Variants in TASP1 observed in about 807,000 individuals in gnomAD.
The protein encoded by TASP1 is threonine aspartase 1.
A neutral mutation model predicts 56.6 loss-of-function variants in TASP1; 16 were observed. The ratio of observed to expected loss-of-function variants is 0.28; its 90% CI spans 0.19 to 0.43. The LOEUF (loss-of-function observed/expected upper bound fraction) is 0.43. Ranked by LOEUF, TASP1 falls within the 20% of genes least tolerant of loss-of-function variation. TASP1 has a pLI of 1.00. For synonymous variants in TASP1, 179 were observed against 184.2 expected, an observed-to-expected ratio of 0.97 and a Z score of 0.23; for missense variants, 393 against 511.6, an observed-to-expected ratio of 0.77 and a Z score of 2.24.
At chr20:13,167,032 G>A in the TASP1 span, 1 of 152,174 alleles carries the variant, frequency 6.6e-6, no homozygotes, top group African/African-American at 2.4e-5. Flanking sequence ...GAGAGTCCAT[G>A]TTGAATATAC....
chr20:13,154,222 A>T, the TASP1 span: 2 of 1,543,782 alleles, frequency 1.3e-6, no homozygotes. Flanking sequence ...TAGATTATGC[A>T]TCTGGAATGG....
the TASP1 span, among the ~76,000 whole-genome samples, chr20:13,273,261 GTCTT>G: frequency 1.8e-4 from 6 of 33,920 alleles, no homozygotes; most frequent in Non-Finnish European, 2.9e-4. Context: ...TTTTGACAAG[GTCTT>G]TCTTTGTCAC....
At chr20:13,379,098 T>C in the TASP1 span, among the ~76,000 whole-genome samples, 289 of 152,340 alleles carry the variant, frequency 1.9e-3, 1 homozygote, top group Non-Finnish European at 3.5e-3. Flanking sequence ...TTGTTATATG[T>C]TAATTTGATC....
chr20:13,365,528 G>A, the TASP1 span, among the ~76,000 whole-genome samples: 1 of 152,218 alleles, frequency 6.6e-6, no homozygotes. Flanking sequence ...GTTGAGCATA[G>A]GCCTGAATGA....
chr20:13,387,674 T>C (rs149728308), downstream of TASP1, among the ~76,000 whole-genome samples: 15 of 152,392 alleles, frequency 9.8e-5, no homozygotes, highest in African/African-American at 3.4e-4. Context: ...TTTAGGTATA[T>C]ACCTAGTAAT....
chr20:13,137,291 C>T, the TASP1 span, among the ~76,000 whole-genome samples: 1 of 152,106 alleles, frequency 6.6e-6, no homozygotes, highest in African/African-American at 2.4e-5. Context: ...AAGTTGTTGC[C>T]TTGGCTGTAG....
intron 8 of TASP1, among the ~76,000 whole-genome samples, chr20:13,547,169 G>A (rs776827071): frequency 6.6e-6 from 1 of 152,112 alleles, no homozygotes; most frequent in Non-Finnish European, 1.5e-5. Flanking sequence ...ACGCTTCTAT[G>A]GACATACACA....
chr20:13,234,886 CT>C, the TASP1 span, among the ~76,000 whole-genome samples: 17 of 152,064 alleles, frequency 1.1e-4, no homozygotes, highest in South Asian at 6.2e-4. Flanking sequence ...TTTTTTGCAT[CT>C]GATAGTTTGC....
At chr20:13,164,341 C>G in the TASP1 span, 1 of 471,982 alleles carries the variant, frequency 2.1e-6, no homozygotes, top group South Asian at 1.5e-5. Context: ...CAACATTCCT[C>G]TTTGTTCTTG....
chr20:13,268,528 G>A, the TASP1 span, among the ~76,000 whole-genome samples: 168 of 152,264 alleles, frequency 1.1e-3, 1 homozygote, highest in Non-Finnish European at 1.9e-3. Flanking sequence ...GAGGTGGCTG[G>A]AAAGGTGAAC....
the TASP1 span, among the ~76,000 whole-genome samples, chr20:13,223,326 C>G: frequency 1.3e-5 from 2 of 152,038 alleles, no homozygotes; most frequent in South Asian, 2.1e-4. Flanking sequence ...AAAGAGAAAA[C>G]TAATAAAACA....
chr20:13,617,984 G>A (rs1345313366), intron 4 of TASP1, among the ~76,000 whole-genome samples: 3 of 152,080 alleles, frequency 2.0e-5, no homozygotes, highest in Non-Finnish European at 2.9e-5. Flanking sequence ...CCAGCCAGAA[G>A]TATAGAGCCC....
the TASP1 span, among the ~76,000 whole-genome samples, chr20:13,330,279 A>G: frequency 6.6e-6 from 1 of 152,130 alleles, no homozygotes. Context: ...ATTTTTCTGT[A>G]TCTATTGATA....
intron 10 of TASP1, among the ~76,000 whole-genome samples, chr20:13,490,954 T>C (rs2043505654): frequency 6.6e-6 from 1 of 152,162 alleles, no homozygotes; most frequent in South Asian, 2.1e-4. Flanking sequence ...AAAATAACCA[T>C]CTTAAGAAAA....
At chr20:13,326,714 C>T in the TASP1 span, among the ~76,000 whole-genome samples, 10 of 152,268 alleles carry the variant, frequency 6.6e-5, no homozygotes, top group East Asian at 1.9e-3. Context: ...GTTGTTTACA[C>T]ATGATTATCT....
chr20:13,475,821 T>A (rs371900242), intron 11 of TASP1, among the ~76,000 whole-genome samples: 13 of 147,368 alleles, frequency 8.8e-5, no homozygotes, highest in Middle Eastern at 3.8e-3. Flanking sequence ...ACTTGAACCC[T>A]GGAGGCGGAG....
At chr20:13,523,413 A>ACC (rs996768776) in intron 10 of TASP1, among the ~76,000 whole-genome samples, 2 of 151,940 alleles carry the variant, frequency 1.3e-5, no homozygotes, top group African/African-American at 4.8e-5. Context: ...CTGTCACATA[A>ACC]CCCCCCTCTC....
chr20:13,299,687 G>A, the TASP1 span: 1 of 467,980 alleles, frequency 2.1e-6, no homozygotes, highest in Non-Finnish European at 3.8e-6. This position sits in a 1 kb window ranked among gnomAD's most constrained non-coding sequence, Gnocchi z 5.8. Flanking sequence ...CCCCTGGGGA[G>A]CGATGTGGGC....
chr20:13,404,641 A>G (rs6042073), intron 13 of TASP1, among the ~76,000 whole-genome samples: 199 of 152,338 alleles, frequency 1.3e-3, no homozygotes, highest in African/African-American at 4.0e-3. Context: ...TGCATTATTT[A>G]GGTAAATAGG....
Sources: allele counts gnomAD v4.1 joint callset (sites outside exome capture counted in the v4.1 genomes callset), GRCh38; gene constraint gnomAD v4.1.1; non-coding constraint Gnocchi (gnomAD v3.1); transcripts MANE v1.5; gene names NCBI Gene and HGNC (gene_info 2026-07-23, HGNC 2026-07-21).